Variants in MOK observed in about 807,000 individuals in gnomAD.
The protein encoded by MOK is MOK protein kinase, also known as MAPK/MAK/MRK overlapping kinase.
In MOK, 59 loss-of-function variants were observed where a neutral mutation model predicts 54.2. The observed-to-expected ratio is 1.09, with a 90% CI of 0.88 to 1.35. MOK has a LOEUF of 1.35. Ranked by LOEUF, MOK falls within the 40% of genes most tolerant of loss-of-function variation. MOK has a pLI of 0.00. For synonymous variants in MOK, 210 were observed against 202.7 expected (o/e 1.04, Z -0.31); for missense variants, 517 against 526.2 (o/e 0.98, Z 0.17).
At chr14:102,256,964 A>T (rs969773761) in intron 4 of MOK, among the ~76,000 whole-genome samples, 1 of 152,044 alleles carries the variant, frequency 6.6e-6, no homozygotes, top group Non-Finnish European at 1.5e-5. Context: ...ACTCACGCCA[A>T]AGAATTCAGA....
At chr14:102,250,705 GA>G (rs1475195245) in intron 7 of MOK, 106 bp downstream of exon 7, 10 of 1,130,926 alleles carry the variant, frequency 8.8e-6, no homozygotes, top group Non-Finnish European at 8.7e-6. Flanking sequence ...AAAACAGAAA[GA>G]AAAACCAGAA....
intron 7 of MOK, among the ~76,000 whole-genome samples, chr14:102,234,512 G>A (rs2065036602): frequency 1.3e-5 from 2 of 152,100 alleles, no homozygotes; most frequent in Admixed American, 6.5e-5. Flanking sequence ...TTTCAGGGAC[G>A]CCTGACACGG....
Position 102,229,556 on chromosome 14 carries a change from C to A in MOK, c.1083G>T (p.Ser361=), listed in dbSNP as rs142670145. Residue 361 remains serine (S), a synonymous_variant, in exon 11 of 12, where the codon TCG becomes TCT. Coordinates refer to ENST00000361847, the MANE Select transcript of MOK (RefSeq NM_014226.3). ...KLKLSGVVRL[S]SYSSPTLQSV... ...ACTGCAGCGTGGGGCTGGAGTAAGACGACAGTCTGACCACTCCCGAAAGCT... is the reference window on the plus strand; with the variant it reads ...ACTGCAGCGTGGGGCTGGAGTAAGAAGACAGTCTGACCACTCCCGAAAGCT... 2 of 1,614,062 alleles carry A rather than the reference C, an allele frequency of 1.2e-6. No individual in the cohort carries two copies. The highest frequency in any genetic ancestry group is 1.7e-6 in the Non-Finnish European group (2 of 1,180,044).
downstream of MOK, chr14:102,225,965 G>C: frequency 3.3e-6 from 1 of 300,862 alleles, no homozygotes; most frequent in Non-Finnish European, 6.2e-6. Context: ...ACGGGGATTA[G>C]GCCCAGAAGA....
downstream of MOK, chr14:102,222,789 C>T: frequency 6.2e-7 from 1 of 1,613,236 alleles, no homozygotes; most frequent in Non-Finnish European, 8.5e-7. This position sits in a 1 kb window ranked among gnomAD's most constrained non-coding sequence, Gnocchi z 4.4. Context: ...TGTTGCCCGT[C>T]CGGTGTTTTG....
In MOK at chr14:102,251,987, A is replaced by G; in HGVS notation, c.292T>C (p.Tyr98His). 6.3e-7 allele frequency: 1 copy of G among 1,579,482 alleles called. No homozygotes were observed. Among genetic ancestry groups the G allele is most frequent in the Non-Finnish European group, 8.7e-7 (1 of 1,149,714 alleles). Reference sequence around the variant, plus strand: ...ATAATTTTTTTTTCTGATAATGGGTATCTTCTCCCTGTACAATCAAGGAAA... The same window carrying G: ...ATAATTTTTTTTTCTGATAATGGGTGTCTTCTCCCTGTACAATCAAGGAAA... ...NIYELIRGRRYPLSEKKIMHY... is the reference protein window; with the variant it reads ...NIYELIRGRRHPLSEKKIMHY... Residue 98 changes from tyrosine to histidine, a missense_variant, in exon 5 of 12, where the codon TAC becomes CAC. Tyr to His is a moderately conservative substitution (Grantham distance 83). Transcript: ENST00000361847.
chr14:102,289,716 C>T (rs987232719), intron 1 of MOK, among the ~76,000 whole-genome samples: 4 of 151,998 alleles, frequency 2.6e-5, no homozygotes, highest in Non-Finnish European at 5.9e-5. Context: ...TCTCGAACTC[C>T]TAACCTCAGG....
At chr14:102,234,993 A>T (rs1243626974) in intron 7 of MOK, 2 of 151,384 alleles carry the variant, frequency 1.3e-5, no homozygotes, top group Non-Finnish European at 2.9e-5. Flanking sequence ...CCAGCGGACG[A>T]CTTCTCCTTC....
At chr14:102,234,088 G>T in intron 7 of MOK, 1 of 275,720 alleles carries the variant, frequency 3.6e-6, no homozygotes, top group Non-Finnish European at 6.8e-6. Context: ...TCCTCTGACT[G>T]TTAAGCGGCC....
intron 1 of MOK, among the ~76,000 whole-genome samples, chr14:102,298,867 G>A (rs541594288): frequency 1.1e-4 from 16 of 152,150 alleles, no homozygotes; most frequent in Non-Finnish European, 1.5e-4. Flanking sequence ...GCAAGACCAC[G>A]AACCCACCAG....
intron 6 of MOK, 71 bp from the exon 7 acceptor site, chr14:102,251,061 T>C: frequency 5.3e-6 from 8 of 1,501,606 alleles, no homozygotes; most frequent in Non-Finnish European, 7.3e-6. Flanking sequence ...CCACTCCAAA[T>C]ATTTATGCAC....
intron 2 of MOK, among the ~76,000 whole-genome samples, chr14:102,268,186 T>G (rs2068062767): frequency 6.6e-6 from 1 of 152,156 alleles, no homozygotes; most frequent in African/African-American, 2.4e-5. Context: ...CCAAAACATA[T>G]TTTGCTTATT....
chr14:102,284,842 C>T (rs1208230505), intron 1 of MOK, among the ~76,000 whole-genome samples: 1 of 152,070 alleles, frequency 6.6e-6, no homozygotes, highest in Non-Finnish European at 1.5e-5. Context: ...CTTTAGGAGG[C>T]CGAGGCAGGC....
At chr14:102,219,887 C>T (rs746145987), downstream of MOK, among the ~76,000 whole-genome samples, 1 of 152,234 alleles carries the variant, frequency 6.6e-6, no homozygotes, top group Admixed American at 6.5e-5. Context: ...TTCAAGATCT[C>T]TCTGGAAGCT....
chr14:102,224,318 G>A (rs1390177467), downstream of MOK, among the ~76,000 whole-genome samples: 1 of 152,046 alleles, frequency 6.6e-6, no homozygotes, highest in Non-Finnish European at 1.5e-5. Context: ...GGGATTACAG[G>A]CGTGAGCCAC....
At chr14:102,260,535 A>C (rs1438002661) in intron 4 of MOK, 1 of 152,110 alleles carries the variant, frequency 6.6e-6, no homozygotes, top group Non-Finnish European at 1.5e-5. Context: ...CAACTCTAAA[A>C]TCAGGATGCA....
chr14:102,220,920 G>A (rs78845721), downstream of MOK, among the ~76,000 whole-genome samples: 13,774 of 151,874 alleles, frequency 0.091, 647 homozygotes, highest in South Asian at 0.15. The surrounding 1 kb of genome is among the most constrained non-coding windows in gnomAD (Gnocchi z 4.2). Flanking sequence ...ACAGCCGTGC[G>A]CCACCACACC....
chr14:102,257,902 G>A (rs544506740), intron 4 of MOK, among the ~76,000 whole-genome samples: 36 of 151,828 alleles, frequency 2.4e-4, no homozygotes, highest in Admixed American at 2.0e-3. Context: ...GCTTGAATCC[G>A]GGAGGCAGAG....
At chr14:102,218,285 C>T in the MOK span, among the ~76,000 whole-genome samples, 1 of 152,252 alleles carries the variant, frequency 6.6e-6, no homozygotes, top group South Asian at 2.1e-4. Context: ...CCCACACTCT[C>T]ATCCACATCC....
Sources: gnomAD v4.1 joint callset for allele counts (sites outside exome capture counted in the v4.1 genomes callset) on GRCh38, gnomAD v4.1.1 for gene constraint, Gnocchi (gnomAD v3.1) non-coding constraint, MANE v1.5 for transcripts, NCBI Gene and HGNC (gene_info 2026-07-23, HGNC 2026-07-21) for gene names.